Variants in RABL3 observed in about 807,000 individuals in gnomAD.
The protein encoded by RABL3 is rab-like protein 3.
In RABL3, 31 loss-of-function variants were observed where a neutral mutation model predicts 31.8. The ratio of observed to expected loss-of-function variants is 0.97; its 90% CI spans 0.73 to 1.31. The LOEUF (loss-of-function observed/expected upper bound fraction) is 1.31. Among genes scored for constraint, RABL3 ranks in the 40% most tolerant of loss-of-function variants. The pLI is 0.00. For missense variants in RABL3, 263 were observed against 279.6 expected (o/e 0.94, Z 0.42); for synonymous variants, 97 against 99.9 (o/e 0.97, Z 0.18).
chr3:120,736,805 T>G (rs1331636458), intron 1 of RABL3, among the ~76,000 whole-genome samples: 1 of 152,202 alleles, frequency 6.6e-6, no homozygotes, highest in Admixed American at 6.5e-5. Context: ...TTAGTTTGGC[T>G]GGATATGAAA....
intron 2 of RABL3, among the ~76,000 whole-genome samples, chr3:120,730,393 C>T (rs931433938): frequency 5.9e-5 from 9 of 152,198 alleles, no homozygotes; most frequent in Admixed American, 2.0e-4. Context: ...GAATTATTTA[C>T]GGAGGATGCT....
At chr3:120,721,630 AT>A (rs1440403726) in intron 2 of RABL3, among the ~76,000 whole-genome samples, 2 of 152,240 alleles carry the variant, frequency 1.3e-5, no homozygotes, top group Non-Finnish European at 2.9e-5. Flanking sequence ...ACAGCTAACT[AT>A]CCTAAACATA....
intron 6 of RABL3, 118 bp downstream of exon 6, chr3:120,694,035 T>C: frequency 1.6e-6 from 1 of 612,550 alleles, no homozygotes; most frequent in South Asian, 2.5e-5. Context: ...AAAACAAGGA[T>C]TATTCCAGGC....
chr3:120,738,345 T>C (rs112320569), intron 1 of RABL3, among the ~76,000 whole-genome samples: 30,599 of 152,166 alleles, frequency 0.2, 3,579 homozygotes, highest in East Asian at 0.36. Flanking sequence ...GCTAAGACCA[T>C]TGGAAAAGCA....
chr3:120,693,747 T>C (rs1348804861), intron 6 of RABL3, among the ~76,000 whole-genome samples: 1 of 152,080 alleles, frequency 6.6e-6, no homozygotes, highest in Non-Finnish European at 1.5e-5. Flanking sequence ...ACAGTAACAT[T>C]TATGTAGAGA....
chr3:120,742,345 G>T, intron 1 of RABL3, 117 bp downstream of exon 1: 2 of 948,028 alleles, frequency 2.1e-6, no homozygotes, highest in Non-Finnish European at 3.4e-6. Flanking sequence ...TTCAGGCCCT[G>T]GGAGGGACTT....
At chr3:120,700,667 A>G in intron 4 of RABL3, among the ~76,000 whole-genome samples, 1 of 152,122 alleles carries the variant, frequency 6.6e-6, no homozygotes, top group East Asian at 1.9e-4. Flanking sequence ...ATGTTAAAAA[A>G]AAGCCCTTAT....
chr3:120,737,091 C>G (rs977047279), intron 1 of RABL3, among the ~76,000 whole-genome samples: 4 of 152,198 alleles, frequency 2.6e-5, no homozygotes, highest in African/African-American at 9.7e-5. Context: ...CGTTGGGGAA[C>G]TTCTCCTGGA....
intron 1 of RABL3, among the ~76,000 whole-genome samples, chr3:120,732,736 C>A (rs538625046): frequency 3.4e-5 from 5 of 146,108 alleles, no homozygotes; most frequent in Non-Finnish European, 6.0e-5. Context: ...ACAACAGGCC[C>A]TGGTGTGTGA....
chr3:120,711,652 C>T lies in RABL3; in HGVS notation c.139-1743G>A, dbSNP rs568557779. ...GCTCTATAGGCATTTACTGCCTGTA[C>T]TGTATAACTATTCAGAAACAAATTA... On this transcript the variant is annotated intron_variant, in intron 2 of 7. Transcript: ENST00000273375. Among the ~76,000 whole-genome samples the T allele has an allele frequency of 4.1e-4, 62 of 152,248 alleles. 1 individual carries two copies. Among genetic ancestry groups the T allele is most frequent in the Admixed American group, 2.6e-4 (4 of 15,298 alleles).
At chr3:120,694,347 A>C (rs1708413000) in intron 5 of RABL3, 123 bp from the exon 6 acceptor site, 1 of 589,740 alleles carries the variant, frequency 1.7e-6, no homozygotes, top group African/African-American at 1.8e-5. Flanking sequence ...ACTCTCACAA[A>C]ATATTCAAAT....
At chr3:120,707,633 A>G (rs1414624258) in intron 3 of RABL3, among the ~76,000 whole-genome samples, 1 of 152,084 alleles carries the variant, frequency 6.6e-6, no homozygotes, top group Non-Finnish European at 1.5e-5. Context: ...ATTTTAGGGC[A>G]AAAAACTGGC....
At position 120,688,958 on chromosome 3, in the gene RABL3, A is replaced by G. The variant is rs922136438; in HGVS notation, c.*865T>C. The stretch of plus-strand genomic sequence containing the variant: ...GAATAATATTCTTAGTTTTCTGATT[A>G]TAGCTAAGGGACATTTCAGGAGTTG... On this transcript the variant is annotated 3_prime_UTR_variant, in exon 8 of 8. Transcript: ENST00000273375. 3 of 152,198 alleles carry G rather than the reference A, an allele frequency of 2.0e-5. No individual in the cohort carries two copies. The highest frequency in any genetic ancestry group is 4.8e-5 in the African/African-American group (2 of 41,454). The allele number at this position is 152,198 out of a possible 1,614,324, so 9.4% of individuals were successfully genotyped here.
At chr3:120,732,806 A>T (rs7643599) in intron 1 of RABL3, among the ~76,000 whole-genome samples, 102,568 of 151,090 alleles carry the variant, frequency 0.68, 35,275 homozygotes, top group East Asian at 0.97. Flanking sequence ...AGTGAGAACA[A>T]GTGGTGTTTG....
intron 5 of RABL3, among the ~76,000 whole-genome samples, chr3:120,696,548 T>G (rs1342462316): frequency 6.6e-6 from 1 of 151,226 alleles, no homozygotes; most frequent in Non-Finnish European, 1.5e-5. Context: ...TACATCTGAC[T>G]CACAGTTAAA....
At chr3:120,715,179 T>C (rs575838289) in intron 2 of RABL3, among the ~76,000 whole-genome samples, 1 of 152,218 alleles carries the variant, frequency 6.6e-6, no homozygotes, top group Non-Finnish European at 1.5e-5. Flanking sequence ...ACTTACTTTC[T>C]TGAACTACTA....
rs1014347187 is a variant in RABL3, at chr3:120,711,540, T to A, written c.139-1631A>T. ...TAGAGTGATCCTTTAAAAATGCAAG[T>A]TATATCATACGCTCTTTTGCTCAAA... On this transcript the variant is annotated intron_variant, in intron 2 of 7. Coordinates refer to ENST00000273375, the MANE Select transcript of RABL3 (RefSeq NM_173825.5). 3.3e-5 allele frequency among the ~76,000 whole-genome samples: 5 copies of A among 152,232 alleles called. No homozygotes were observed. The East Asian group carries it at 9.7e-4, about 29-fold the overall frequency.
intron 4 of RABL3, among the ~76,000 whole-genome samples, chr3:120,701,563 A>G (rs990429988): frequency 1.3e-5 from 2 of 152,208 alleles, no homozygotes; most frequent in East Asian, 3.8e-4. Flanking sequence ...TTTAGTAGAA[A>G]ATAGAGAACA....
intron 5 of RABL3, among the ~76,000 whole-genome samples, chr3:120,697,813 T>C (rs1286572582): frequency 6.6e-6 from 1 of 152,216 alleles, no homozygotes; most frequent in Non-Finnish European, 1.5e-5. Flanking sequence ...AATATGCTTA[T>C]AGTGCCACTT....
Sources: allele counts gnomAD v4.1 joint callset (sites outside exome capture counted in the v4.1 genomes callset), GRCh38; gene constraint gnomAD v4.1.1; transcripts MANE v1.5; gene names NCBI Gene and HGNC (gene_info 2026-07-23, HGNC 2026-07-21).